Variants in CTNNA3 observed in about 807,000 individuals in gnomAD.
The protein encoded by CTNNA3 is catenin alpha 3, also known as catenin alpha-3.
Under a neutral mutation model 95.7 loss-of-function variants are expected in CTNNA3, and 76 were observed. The ratio of observed to expected loss-of-function variants is 0.79; its 90% confidence interval spans 0.66 to 0.96. CTNNA3 has a LOEUF of 0.96. CTNNA3 is among the 40% of genes least tolerant of loss of function. The pLI is 0.00. For missense variants in CTNNA3, 1,191 were observed against 1,089.8 expected, an observed-to-expected ratio of 1.09 and a Z score of -1.31; for synonymous variants, 431 against 374.4, an observed-to-expected ratio of 1.15 and a Z score of -1.74.
At chr10:67,186,593 C>A (rs1862860533) in intron 6 of CTNNA3, among the ~76,000 whole-genome samples, 1 of 152,102 alleles carries the variant, frequency 6.6e-6, no homozygotes, top group South Asian at 2.1e-4. Context: ...TAAAGTAAAT[C>A]AAATGTCCTG....
chr10:67,633,360 G>A (rs552836786), intron 2 of CTNNA3, among the ~76,000 whole-genome samples: 5 of 152,168 alleles, frequency 3.3e-5, no homozygotes, highest in South Asian at 2.1e-4. Flanking sequence ...CTCACTCCCC[G>A]CCCCAACGCA....
intron 5 of CTNNA3, among the ~76,000 whole-genome samples, chr10:67,493,775 G>C (rs776536536): frequency 6.6e-6 from 1 of 152,130 alleles, no homozygotes; most frequent in Non-Finnish European, 1.5e-5. Flanking sequence ...AAGCAGGTCA[G>C]CGCACCTAAA....
At chr10:67,523,069 G>T (rs901675535) in intron 4 of CTNNA3, among the ~76,000 whole-genome samples, 1 of 152,094 alleles carries the variant, frequency 6.6e-6, no homozygotes, top group African/African-American at 2.4e-5. Flanking sequence ...TATGAAATAA[G>T]TCATATTAAA....
intron 11 of CTNNA3, among the ~76,000 whole-genome samples, chr10:66,426,850 G>T (rs1233290335): frequency 6.6e-6 from 1 of 151,502 alleles, no homozygotes; most frequent in East Asian, 1.9e-4. Flanking sequence ...GGATTCCTTT[G>T]ATACATGTTA....
intron 5 of CTNNA3, among the ~76,000 whole-genome samples, chr10:67,368,356 T>C (rs1488727759): frequency 1.3e-5 from 2 of 152,114 alleles, no homozygotes; most frequent in Non-Finnish European, 2.9e-5. Context: ...AGGCTGACCA[T>C]AAAAAGACTA....
intron 5 of CTNNA3, among the ~76,000 whole-genome samples, chr10:67,324,508 GT>G (rs1184945827): frequency 1.3e-5 from 2 of 152,022 alleles, no homozygotes; most frequent in African/African-American, 4.8e-5. Context: ...TGTGGCTTTT[GT>G]TTTTACTTCT....
chr10:66,188,577 T>TGG (rs148261423), intron 13 of CTNNA3, among the ~76,000 whole-genome samples: 1 of 93,478 alleles, frequency 1.1e-5, no homozygotes, highest in African/African-American at 3.3e-5. Flanking sequence ...TGTGTGTGTG[T>TGG]GGGGGGAGGG....
intron 5 of CTNNA3, among the ~76,000 whole-genome samples, chr10:67,270,191 G>A (rs1012401003): frequency 1.3e-5 from 2 of 149,850 alleles, no homozygotes; most frequent in East Asian, 2.0e-4. Flanking sequence ...GAGTATACAC[G>A]TCTACAAAAA....
At chr10:67,054,832 T>A (rs770353709) in intron 7 of CTNNA3, 1 of 152,086 alleles carries the variant, frequency 6.6e-6, no homozygotes, top group African/African-American at 2.4e-5. Context: ...TTCTTTTAAG[T>A]AGTTGTGAGG....
intron 4 of CTNNA3, 119 bp from the exon 5 acceptor site, chr10:67,522,080 TAAC>T: frequency 1.1e-6 from 1 of 902,716 alleles, no homozygotes; most frequent in South Asian, 1.9e-5. Context: ...AATACAGTGA[TAAC>T]AAATGCTAGC....
chr10:67,519,879 C>A (rs77092505), intron 5 of CTNNA3, among the ~76,000 whole-genome samples: 1 of 152,046 alleles, frequency 6.6e-6, no homozygotes, highest in Non-Finnish European at 1.5e-5. Context: ...GGTTTTGGAG[C>A]TTTAAAGGAA....
intron 9 of CTNNA3, among the ~76,000 whole-genome samples, chr10:66,673,871 G>C (rs7080751): frequency 0.82 from 124,732 of 151,770 alleles, 51,431 homozygotes; most frequent in East Asian, 0.98. Flanking sequence ...AAGTTCAATG[G>C]CAATTTGATT....
intron 13 of CTNNA3, among the ~76,000 whole-genome samples, chr10:66,124,829 C>T (rs1391975080): frequency 6.6e-6 from 1 of 152,056 alleles, no homozygotes; most frequent in Admixed American, 6.6e-5. Context: ...CAGAAAAGAC[C>T]CACCCTCTTA....
chr10:66,343,743 G>A (rs1045069287), intron 12 of CTNNA3, among the ~76,000 whole-genome samples: 1 of 152,004 alleles, frequency 6.6e-6, no homozygotes, highest in Non-Finnish European at 1.5e-5. Flanking sequence ...CCAACACAAA[G>A]AAACGATAAA....
intron 5 of CTNNA3, among the ~76,000 whole-genome samples, chr10:67,359,286 G>A (rs979725285): frequency 4.6e-5 from 7 of 150,576 alleles, no homozygotes; most frequent in Non-Finnish European, 7.4e-5. Context: ...GCCCTCTCAG[G>A]TGAGAAGAAA....
chr10:66,213,714 T>C (rs991665006), intron 13 of CTNNA3, among the ~76,000 whole-genome samples: 1 of 152,176 alleles, frequency 6.6e-6, no homozygotes, highest in Non-Finnish European at 1.5e-5. Flanking sequence ...TCACAGTATT[T>C]CCTAGTGCCT....
intron 7 of CTNNA3, among the ~76,000 whole-genome samples, chr10:66,940,158 G>C (rs1847924279): frequency 6.6e-6 from 1 of 152,088 alleles, no homozygotes; most frequent in Admixed American, 6.6e-5. Flanking sequence ...TGAAAAGATG[G>C]AAAACGTTGT....
At chr10:66,007,437 T>G (rs989032616) in intron 15 of CTNNA3, among the ~76,000 whole-genome samples, 1 of 152,120 alleles carries the variant, frequency 6.6e-6, no homozygotes, top group Non-Finnish European at 1.5e-5. Context: ...ATTTATCTAT[T>G]GCAAAATGAT....
rs550272546 is a variant in CTNNA3, at chr10:66,767,230, G to A, written c.1129-814C>T. Among the ~76,000 whole-genome samples the A allele has an allele frequency of 6.6e-5, 10 of 152,074 alleles. No individual in the cohort carries two copies. The South Asian group carries it at 1.0e-3, about 16-fold the overall frequency. On this transcript the variant is annotated intron_variant, in intron 8 of 17. Transcript: ENST00000433211. ...TGGGAGGCCAAGGCAGGCGAATCAC[G>A]AGGTCAGGAGTTCGAGAACAGCCTG...
Sources: allele counts gnomAD v4.1 joint callset (sites outside exome capture counted in the v4.1 genomes callset), GRCh38; gene constraint gnomAD v4.1.1; transcripts MANE v1.5; gene names NCBI Gene and HGNC (gene_info 2026-07-23, HGNC 2026-07-21).